Variants in B4GALNT1 observed in about 807,000 individuals in gnomAD.
B4GALNT1 encodes the protein beta-1,4 N-acetylgalactosaminyltransferase 1.
In B4GALNT1, 43 loss-of-function variants were observed where a neutral mutation model predicts 55.2. That is an observed-to-expected ratio of 0.78 (90% CI 0.61 to 1.00). The LOEUF (loss-of-function observed/expected upper bound fraction) is 1.00. Ranked by LOEUF, B4GALNT1 falls within the 50% of genes least tolerant of loss-of-function variation. The pLI, the probability that B4GALNT1 is intolerant of heterozygous loss-of-function variation, is 0.00. For missense variants in B4GALNT1, 664 were observed against 729.7 expected (o/e 0.91, Z 1.04); for synonymous variants, 305 against 311.6 (o/e 0.98, Z 0.22).
rs1485125219 is a variant in B4GALNT1 at position 57,625,491 on chromosome 12, C to G, written c.*1253G>C. On this transcript the variant is annotated 3_prime_UTR_variant, in exon 11 of 11. Transcript: ENST00000341156. ...TGAGATGTGTGGAGAAGAGCGGGGCCCAGTGCCTGGGCAATGACTGGACAC... is the reference window on the plus strand; with the variant it reads ...TGAGATGTGTGGAGAAGAGCGGGGCGCAGTGCCTGGGCAATGACTGGACAC... 1.2e-6 allele frequency: 2 copies of G among 1,614,018 alleles called. No homozygotes were observed. The highest frequency in any genetic ancestry group is 1.7e-6 in the Non-Finnish European group (2 of 1,180,004).
chr12:57,627,888 G>T (rs571454666), intron 9 of B4GALNT1, 30 bp from the exon 10 acceptor site: 12 of 1,545,486 alleles, frequency 7.8e-6, no homozygotes, highest in Middle Eastern at 2.0e-4. Flanking sequence ...GCCTCCAGGC[G>T]GGCCTGGGAT....
chr12:57,626,657 C>T lies in B4GALNT1; in HGVS notation c.*87G>A. 1 of 1,468,152 alleles carries T rather than the reference C, an allele frequency of 6.8e-7. No homozygotes were observed. Among genetic ancestry groups the T allele is most frequent in the South Asian group, 1.2e-5 (1 of 83,694 alleles). 90.9% of individuals were successfully genotyped at this position (1,468,152 alleles called of 1,614,324 possible). ...AGGCTCAGGGACAGCCAGTAGAGTGCTCACAGGGTGGTGGGGTTTGTTGGA... is the reference window on the plus strand; with the variant it reads ...AGGCTCAGGGACAGCCAGTAGAGTGTTCACAGGGTGGTGGGGTTTGTTGGA... On this transcript the variant is annotated 3_prime_UTR_variant, in exon 11 of 11. Coordinates refer to ENST00000341156, the MANE Select transcript of B4GALNT1 (RefSeq NM_001478.5).
At chr12:57,630,866 T>G in intron 4 of B4GALNT1, 114 bp downstream of exon 4, 1 of 1,037,778 alleles carries the variant, frequency 9.6e-7, no homozygotes, top group Non-Finnish European at 1.4e-6. Context: ...AAGTCCCCCA[T>G]TCATCAGAGG....
Position 57,625,021 on chromosome 12 carries a change from G to C in B4GALNT1, c.*1723C>G. The C allele has an allele frequency of 1.2e-6, 2 of 1,613,302 alleles. No individual in the cohort carries two copies. Among genetic ancestry groups the C allele is most frequent in the South Asian group, 1.1e-5 (1 of 91,074 alleles). On this transcript the variant is annotated 3_prime_UTR_variant, in exon 11 of 11. Coordinates refer to ENST00000341156, the MANE Select transcript of B4GALNT1 (RefSeq NM_001478.5). ...GTTTAGGAGGGATGTGGATCCTCAG[G>C]GAGTGGGAGGCAGGTGGGTGTTCTG...
chr12:57,630,197 C>T lies in B4GALNT1; in HGVS notation c.667G>A (p.Val223Ile), dbSNP rs1885107410. Residue 223 changes from valine (V) to isoleucine (I), a missense_variant, in exon 6 of 11, where the codon GTC (valine) becomes ATC (isoleucine). Transcript: ENST00000341156. ...TGGTAGCTTCGGCTGCTGTAAGTGA[C>T]CAGTTGTAGTTGCCTGTTGAGTTGG... ...LDQLNRQLQL[V>I]TYSSRSYQTN... 1 of 1,614,078 alleles carries T rather than the reference C, an allele frequency of 6.2e-7. No homozygotes were observed. Among genetic ancestry groups the T allele is most frequent in the African/African-American group, 1.3e-5 (1 of 74,928 alleles).
rs5798410 is a variant in B4GALNT1, at chr12:57,627,411, TAAA to T, written c.1384+204_1384+206del. On this transcript the variant is annotated intron_variant, in intron 10 of 10. Transcript: ENST00000341156. ...GTATAACAAAAAATATATATATTTA[TAAA>T]AAAAAAAAAAGAGTATGCGGGGCTG... Among the ~76,000 whole-genome samples the T allele has an allele frequency of 3.6e-4, 52 of 144,268 alleles. No homozygotes were observed. In the Middle Eastern group the frequency reaches 0.015, roughly 41 times the overall value. 94.6% of individuals were successfully genotyped at this position (144,268 alleles called of 152,430 possible).
rs751294163 is a variant in B4GALNT1 at position 57,631,236 on chromosome 12, G to A, written c.347C>T (p.Ala116Val). ...GGCCTGGAACTCCTGCTCTCTTGTGGCAGAGGCAGCCCTCAGCTCTGCAGG... is the reference window on the plus strand; with the variant it reads ...GGCCTGGAACTCCTGCTCTCTTGTGACAGAGGCAGCCCTCAGCTCTGCAGG... Reference protein sequence around the residue: ...FDPAELRAASATREQEFQAFL... With the variant: ...FDPAELRAASVTREQEFQAFL... The change falls in exon 3 of 11, where the codon GCC becomes GTC. Residue 116 changes from alanine (A) to valine (V), a missense_variant. Physicochemically the swap from Ala to Val is moderately conservative, Grantham distance 64 (BLOSUM62 0). Coordinates refer to ENST00000341156, the MANE Select transcript of B4GALNT1 (RefSeq NM_001478.5). 6.2e-7 allele frequency: 1 copy of A among 1,614,054 alleles called. No homozygotes were observed. Among genetic ancestry groups the A allele is most frequent in the South Asian group, 1.1e-5 (1 of 91,086 alleles).
chr12:57,629,054 G>A lies in B4GALNT1; in HGVS notation c.805C>T (p.Gln269Ter). Reference protein sequence around the residue: ...PRLYPPGSLPQGAQYNISALV... With the variant: ...PRLYPPGSLP ...CTGCCCCTACCAGCCTCACCTCCCT[G>A]GGGTAGAGACCCAGGTGGGTACAGC... Residue 269 changes from glutamine to a stop codon, truncating the protein, a stop_gained, in exon 7 of 11, where the codon CAG (glutamine) becomes TAG (stop). Transcript: ENST00000341156. LOFTEE classifies it high-confidence loss of function. The A allele has an allele frequency of 6.3e-7, 1 of 1,586,042 alleles. No homozygotes were observed.
chr12:57,627,742 G>A lies in B4GALNT1; in HGVS notation c.1260C>T (p.His420=), dbSNP rs1349128264. The change falls in exon 10 of 11, where the codon CAC becomes CAT. Residue 420 remains histidine (H), a synonymous_variant. Coordinates refer to ENST00000341156, the MANE Select transcript of B4GALNT1 (RefSeq NM_001478.5). ...GNCLRQRRGF[H]HELVGFPGCV... The stretch of plus-strand genomic sequence containing the variant: ...AGCCTGGGAAGCCGACGAGCTCGTG[G>A]TGGAAGCCGCGCCTTTGCCGGAGGC... 6.2e-7 allele frequency: 1 copy of A among 1,610,622 alleles called. No individual in the cohort carries two copies. The highest frequency in any genetic ancestry group is 1.7e-5 in the Admixed American group (1 of 59,750).
chr12:57,624,868 C>T lies in B4GALNT1; in HGVS notation c.*1876G>A. 6.2e-7 allele frequency: 1 copy of T among 1,614,126 alleles called. No homozygotes were observed. The highest frequency in any genetic ancestry group is 8.5e-7 in the Non-Finnish European group (1 of 1,179,988). Reference sequence around the variant, plus strand: ...TCTCTGATCCTTTGACCTCTTAGCTCCTCCAGGTCCCGGGGCTCTGCATCC... The same window carrying T: ...TCTCTGATCCTTTGACCTCTTAGCTTCTCCAGGTCCCGGGGCTCTGCATCC... On this transcript the variant is annotated 3_prime_UTR_variant, in exon 11 of 11. Transcript: ENST00000341156.
chr12:57,631,697 C>T (rs1338187458), intron 2 of B4GALNT1, among the ~76,000 whole-genome samples: 2 of 152,168 alleles, frequency 1.3e-5, no homozygotes, highest in Non-Finnish European at 2.9e-5. Context: ...GACTGCACAA[C>T]CTCCCACGCC....
Position 57,627,187 on chromosome 12 carries a change from G to A in B4GALNT1, c.1385-226C>T, listed in dbSNP as rs548371548. Reference sequence around the variant, plus strand: ...GAAAAACCTACCCCTACTCCCAGAGGTTAAATAAACGCCAGATGGGTTGCA... The same window carrying A: ...GAAAAACCTACCCCTACTCCCAGAGATTAAATAAACGCCAGATGGGTTGCA... On this transcript the variant is annotated intron_variant, in intron 10 of 10. Coordinates refer to ENST00000341156, the MANE Select transcript of B4GALNT1 (RefSeq NM_001478.5). 5.3e-5 allele frequency among the ~76,000 whole-genome samples: 8 copies of A among 152,150 alleles called. No individual in the cohort carries two copies. In the South Asian group the frequency reaches 1.7e-3, roughly 32 times the overall value.
At position 57,626,931 on chromosome 12, in the gene B4GALNT1, C is replaced by G. The variant is rs759528128; in HGVS notation, c.1415G>C (p.Arg472Pro). 1 of 1,614,080 alleles carries G rather than the reference C, an allele frequency of 6.2e-7. No individual in the cohort carries two copies. The highest frequency in any genetic ancestry group is 8.5e-7 in the Non-Finnish European group (1 of 1,179,978). The change falls in exon 11 of 11, where the codon CGG (arginine) becomes CCG (proline). Residue 472 changes from arginine (R) to proline (P), a missense_variant. Transcript: ENST00000341156. ...CACGACGTCGGAGCAGGAGCCAACCCGAAGGGAACCAAGCCCATCCAAGAA... is the reference window on the plus strand; with the variant it reads ...CACGACGTCGGAGCAGGAGCCAACCGGAAGGGAACCAAGCCCATCCAAGAA... ...EFFLDGLGSL[R>P]VGSCSDVVVD... is the part of the protein sequence containing the mutation.
Position 57,623,754 on chromosome 12 carries a change from G to T in B4GALNT1, c.*2990C>A. On this transcript the variant is annotated 3_prime_UTR_variant, in exon 11 of 11. Transcript: ENST00000341156. ...AAGGGAGACTTCCGAGGAAGATTAG[G>T]CAGAGTGGGCAGGAAGACCAGCTCT... 1.7e-6 allele frequency: 2 copies of T among 1,196,368 alleles called. No homozygotes were observed. The highest frequency in any genetic ancestry group is 2.4e-6 in the Non-Finnish European group (2 of 833,620). 74.1% of individuals were successfully genotyped at this position (1,196,368 alleles called of 1,614,324 possible).
intron 9 of B4GALNT1, 104 bp downstream of exon 9, chr12:57,628,018 C>T: frequency 6.6e-7 from 1 of 1,526,480 alleles, no homozygotes; most frequent in Non-Finnish European, 8.8e-7. Context: ...TCGTGGTTCT[C>T]TCTTTGTCCT....
rs1375160276 is a variant in B4GALNT1, at chr12:57,626,958, A to C, written c.1388T>G (p.Phe463Cys). ...PRLSRVAHLE[F>C]FLDGLGSLRV... is the part of the protein sequence containing the mutation. The stretch of plus-strand genomic sequence containing the variant: ...AAGGGAACCAAGCCCATCCAAGAAG[A>C]ATTCTGGGGGTGGAGGGGAGTACAC... Residue 463 changes from phenylalanine to cysteine, a missense_variant, in exon 11 of 11, where the codon TTC becomes TGC. Coordinates refer to ENST00000341156, the MANE Select transcript of B4GALNT1 (RefSeq NM_001478.5). 3 of 1,612,870 alleles carry C rather than the reference A, an allele frequency of 1.9e-6. No homozygotes were observed. Among genetic ancestry groups the C allele is most frequent in the African/African-American group, 1.3e-5 (1 of 74,840 alleles).
chr12:57,624,867 T>A lies in B4GALNT1; in HGVS notation c.*1877A>T. The A allele has an allele frequency of 6.2e-7, 1 of 1,613,962 alleles. No individual in the cohort carries two copies. Among genetic ancestry groups the A allele is most frequent in the Non-Finnish European group, 8.5e-7 (1 of 1,179,906 alleles). On this transcript the variant is annotated 3_prime_UTR_variant, in exon 11 of 11. Transcript: ENST00000341156. ...TTCTCTGATCCTTTGACCTCTTAGC[T>A]CCTCCAGGTCCCGGGGCTCTGCATC...
rs762271028 is a variant in B4GALNT1, at chr12:57,624,751, TG to T, written c.*1992del. ...TGTAGTGCCTGGCACTTGGACAGGCTGAGGGGACAGAGCTCTACAGACCACT... is the reference window on the plus strand; with the variant it reads ...TGTAGTGCCTGGCACTTGGACAGGCTAGGGGACAGAGCTCTACAGACCACT... On this transcript the variant is annotated 3_prime_UTR_variant, in exon 11 of 11. Coordinates refer to ENST00000341156, the MANE Select transcript of B4GALNT1 (RefSeq NM_001478.5). The T allele has an allele frequency of 1.0e-6, 1 of 960,700 alleles. No homozygotes were observed. Among genetic ancestry groups the T allele is most frequent in the Non-Finnish European group, 1.7e-6 (1 of 584,206 alleles). 59.5% of individuals were successfully genotyped at this position (960,700 alleles called of 1,614,324 possible).
chr12:57,624,315 G>T lies in B4GALNT1; in HGVS notation c.*2429C>A, dbSNP rs559669168. 4.8e-5 allele frequency: 30 copies of T among 629,466 alleles called. No individual in the cohort carries two copies. Among genetic ancestry groups the T allele is most frequent in the Non-Finnish European group, 8.1e-5 (28 of 345,214 alleles). The allele number at this position is 629,466 out of a possible 1,614,324, so 39.0% of individuals were successfully genotyped here. On this transcript the variant is annotated 3_prime_UTR_variant, in exon 11 of 11. Transcript: ENST00000341156. ...ATTTGTAACTTCCCAACTGGTGCGGGTCATTACATTTGGTGTGTGTCCCAT... is the reference window on the plus strand; with the variant it reads ...ATTTGTAACTTCCCAACTGGTGCGGTTCATTACATTTGGTGTGTGTCCCAT...
Sources: gnomAD v4.1 joint callset for allele counts (sites outside exome capture counted in the v4.1 genomes callset) on GRCh38, gnomAD v4.1.1 for gene constraint, MANE v1.5 for transcripts, NCBI Gene and HGNC (gene_info 2026-07-23, HGNC 2026-07-21) for gene names.